The following TMEM67 variants were observed in gnomAD, a reference collection of about 807,000 sequenced individuals.
TMEM67 encodes transmembrane protein 67, also known as meckelin.
In TMEM67, 124 loss-of-function variants were observed where a neutral mutation model predicts 136.6. The observed-to-expected ratio is 0.91, with a 90% CI of 0.78 to 1.05. The LOEUF (loss-of-function observed/expected upper bound fraction) is 1.05. Ranked by LOEUF, TMEM67 falls within the 50% of genes least tolerant of loss-of-function variation. TMEM67 has a pLI of 0.00. For synonymous variants in TMEM67, 364 were observed against 390.5 expected, an observed-to-expected ratio of 0.93 and a Z score of 0.80; for missense variants, 1,107 against 1,178.4, an observed-to-expected ratio of 0.94 and a Z score of 0.89.
At chr8:93,756,086 A>G (rs1430266840) in intron 2 of TMEM67, 8 of 429,708 alleles carry the variant, frequency 1.9e-5, no homozygotes. Flanking sequence ...AAATCCAAAA[A>G]CCACAAAGCT....
At chr8:93,775,847 G>A (rs1437489977) in intron 7 of TMEM67, among the ~76,000 whole-genome samples, 3 of 152,068 alleles carry the variant, frequency 2.0e-5, no homozygotes, top group African/African-American at 7.2e-5. Flanking sequence ...CTCTTTTTTG[G>A]TTCCACAGGA....
chr8:93,765,900 A>G (rs1813062535), intron 6 of TMEM67, among the ~76,000 whole-genome samples: 11 of 152,186 alleles, frequency 7.2e-5, no homozygotes, highest in Admixed American at 7.2e-4. Context: ...TATGTTCTGT[A>G]TAGGATGCAG....
the TMEM67 span, among the ~76,000 whole-genome samples, chr8:93,829,430 C>T: frequency 2.4e-4 from 36 of 151,038 alleles, no homozygotes; most frequent in African/African-American, 8.0e-4. Flanking sequence ...ACTAATCAGC[C>T]GTGTTCACTT....
chr8:93,764,516 A>G (rs1812994865), intron 4 of TMEM67, among the ~76,000 whole-genome samples: 1 of 152,052 alleles, frequency 6.6e-6, no homozygotes, highest in Non-Finnish European at 1.5e-5. Flanking sequence ...ACACACACAC[A>G]CACACACACC....
chr8:93,808,511 TA>T (rs1808548608), intron 23 of TMEM67, among the ~76,000 whole-genome samples: 4 of 10,080 alleles, frequency 4.0e-4, no homozygotes, highest in Non-Finnish European at 7.6e-4. Context: ...TAGATGAATA[TA>T]TATATTTATA....
chr8:93,815,311 G>A lies in TMEM67; in HGVS notation c.2771G>A (p.Gly924Asp), dbSNP rs765739455. 9 of 1,562,226 alleles carry A rather than the reference G, an allele frequency of 5.8e-6. No homozygotes were observed. In the East Asian group the frequency reaches 1.6e-4, roughly 28 times the overall value. The change falls in exon 27 of 28, where the codon GGT (glycine) becomes GAT (aspartate). Residue 924 changes from glycine (G) to aspartate (D), a missense_variant. By Grantham distance (94) the Gly-to-Asp change is moderately conservative (BLOSUM62 -1). Coordinates refer to ENST00000453321, the MANE Select transcript of TMEM67 (RefSeq NM_153704.6). Reference sequence around the variant, plus strand: ...TTCTAAATTTTTTTAATAGATGAAGGTTATTCTTTCAGCAGTGTCCTGTAT... The same window carrying A: ...TTCTAAATTTTTTTAATAGATGAAGATTATTCTTTCAGCAGTGTCCTGTAT... ...MEKSIFYNDE[G>D]YSFSSVLYYG...
Position 93,755,143 on chromosome 8 carries a change from A to C in TMEM67, c.223+6A>C. The C allele has an allele frequency of 1.2e-6, 2 of 1,613,808 alleles. No homozygotes were observed. Among genetic ancestry groups the C allele is most frequent in the Non-Finnish European group, 1.7e-6 (2 of 1,179,836 alleles). On this transcript the variant is annotated splice_donor_region_variant and intron_variant, in intron 1 of 27. Transcript: ENST00000453321. ...CCAGAGGCAAGATGCCCGAGGTAAG[A>C]CGGTTTGCGGTGGGCCCTGGCAAAA...
downstream of TMEM67, among the ~76,000 whole-genome samples, chr8:93,818,828 G>A (rs1348830883): frequency 6.6e-6 from 1 of 152,114 alleles, no homozygotes; most frequent in Non-Finnish European, 1.5e-5. Context: ...GAGAGATGGG[G>A]TCTCACTCTT....
the TMEM67 span, among the ~76,000 whole-genome samples, chr8:93,825,026 C>T: frequency 6.6e-6 from 1 of 152,140 alleles, no homozygotes; most frequent in South Asian, 2.1e-4. Flanking sequence ...CTATGAGCCT[C>T]TTCTTTATCT....
At chr8:93,824,965 C>T in the TMEM67 span, among the ~76,000 whole-genome samples, 2 of 152,212 alleles carry the variant, frequency 1.3e-5, no homozygotes, top group Admixed American at 6.5e-5. Context: ...GATCCACCCA[C>T]TTTGGCCTCC....
intron 3 of TMEM67, among the ~76,000 whole-genome samples, chr8:93,759,706 A>C (rs1812738580): frequency 6.7e-6 from 1 of 149,808 alleles, no homozygotes; most frequent in South Asian, 2.1e-4. Flanking sequence ...GCTAGAGTGC[A>C]ATGGTGTGAT....
At chr8:93,785,463 A>C in intron 12 of TMEM67, 85 bp downstream of exon 12, 2 of 1,353,428 alleles carry the variant, frequency 1.5e-6, no homozygotes, top group Non-Finnish European at 2.1e-6. Context: ...TAAACCACTG[A>C]TTATAAGAAA....
chr8:93,827,769 T>C, the TMEM67 span, among the ~76,000 whole-genome samples: 2 of 151,704 alleles, frequency 1.3e-5, no homozygotes, highest in East Asian at 3.9e-4. Flanking sequence ...CCCTTCTTTT[T>C]TTTTTTTACT....
intron 20 of TMEM67, among the ~76,000 whole-genome samples, chr8:93,798,337 G>C (rs1032480868): frequency 6.6e-6 from 1 of 152,080 alleles, no homozygotes; most frequent in East Asian, 1.9e-4. Flanking sequence ...TTTTGAAAAA[G>C]CTCCCTACCC....
the TMEM67 span, among the ~76,000 whole-genome samples, chr8:93,828,862 A>T: frequency 1.3e-5 from 2 of 152,148 alleles, no homozygotes; most frequent in African/African-American, 4.8e-5. Context: ...GACTATTGTT[A>T]GTCAAGTGTT....
Position 93,780,658 on chromosome 8 carries a change from C to A in TMEM67, c.780C>A (p.Tyr260Ter). Residue 260 changes from tyrosine (Y) to a stop codon, truncating the protein, a stop_gained, in exon 8 of 28, where the codon TAC becomes TAA. Transcript: ENST00000453321. LOFTEE classifies it high-confidence loss of function. ...GNMCVMNMNS[Y>*]DFATFDACGL... ...TGTGTGTGATGAACATGAATTCTTA[C>A]GACTTTGCCACATTTGATGCATGTG... The A allele has an allele frequency of 6.2e-7, 1 of 1,614,092 alleles. No homozygotes were observed. The highest frequency in any genetic ancestry group is 1.3e-5 in the African/African-American group (1 of 75,028).
At chr8:93,830,092 A>C in the TMEM67 span, among the ~76,000 whole-genome samples, 1 of 152,120 alleles carries the variant, frequency 6.6e-6, no homozygotes, top group Non-Finnish European at 1.5e-5. Flanking sequence ...GGGTCTCCCC[A>C]CTCAGTCTAT....
At chr8:93,822,920 TA>T (rs1317451975), downstream of TMEM67, among the ~76,000 whole-genome samples, 1 of 152,210 alleles carries the variant, frequency 6.6e-6, no homozygotes, top group Non-Finnish European at 1.5e-5. Flanking sequence ...ATCAAACTCT[TA>T]TCTAAAGTAT....
At chr8:93,761,211 T>C (rs1041290458) in intron 3 of TMEM67, among the ~76,000 whole-genome samples, 2 of 152,020 alleles carry the variant, frequency 1.3e-5, no homozygotes, top group Non-Finnish European at 2.9e-5. Flanking sequence ...GGCAGGAGAA[T>C]TGCTTGAACC....
Sources: gnomAD v4.1 joint callset for allele counts (sites outside exome capture counted in the v4.1 genomes callset) on GRCh38, gnomAD v4.1.1 for gene constraint, MANE v1.5 for transcripts, NCBI Gene and HGNC (gene_info 2026-07-23, HGNC 2026-07-21) for gene names.